Variants in EGR3 observed in about 807,000 individuals in gnomAD.
The protein encoded by EGR3 is early growth response 3.
Under a neutral mutation model 22.4 loss-of-function variants are expected in EGR3, and 4 were observed. The ratio of observed to expected loss-of-function variants is 0.18; its 90% CI spans 0.09 to 0.41. The LOEUF (loss-of-function observed/expected upper bound fraction) is 0.41, where lower values mean the gene tolerates loss of function less well. Ranked by LOEUF, EGR3 falls within the 10% of genes least tolerant of loss-of-function variation. The probability of loss-of-function intolerance (pLI) is 1.00; values close to 1 mark genes in which losing one functional copy is unlikely to be tolerated. For synonymous variants in EGR3, 219 were observed against 226.8 expected (o/e 0.97, Z 0.31); for missense variants, 315 against 541.3 (o/e 0.58, Z 4.15).
At position 22,690,570 on chromosome 8, in the gene EGR3, A is replaced by C. The variant is rs1392362378; in HGVS notation, c.1067T>G (p.Leu356Arg). Residue 356 changes from leucine (L) to arginine (R), a missense_variant, in exon 2 of 2, where the codon CTC becomes CGC. Around this residue, in one of 4 missense-constraint regions of EGR3, gnomAD observed 16 missense variants for 118.3 expected, o/e 0.14. Coordinates refer to ENST00000317216, the MANE Select transcript of EGR3 (RefSeq NM_004430.3). Reference sequence around the variant, plus strand: ...CTCCGCCTTCTTCTCCTTTTGCTTGAGGTGGATCTTGGCGTGGCGCTTGCG... The same window carrying C: ...CTCCGCCTTCTTCTCCTTTTGCTTGCGGTGGATCTTGGCGTGGCGCTTGCG... ...DERKRHAKIH[L>R]KQKEKKAEKG... is the part of the protein sequence containing the mutation. 6.2e-7 allele frequency: 1 copy of C among 1,613,838 alleles called. No individual in the cohort carries two copies. The highest frequency in any genetic ancestry group is 8.5e-7 in the Non-Finnish European group (1 of 1,179,972).
rs1585224238 is a variant in EGR3 at position 22,693,217 on chromosome 8, G to A, written c.-273C>T. ...GGTATGAGGCTGGGTCGTGGGGGGG[G>A]TGGGGCGTGTGCGGGGGGTGGGGTG... On this transcript the variant is annotated 5_prime_UTR_variant, in exon 1 of 2. Transcript: ENST00000317216. 2 of 140,654 alleles carry A rather than the reference G, an allele frequency of 1.4e-5. No individual in the cohort carries two copies. The highest frequency in any genetic ancestry group is 2.3e-4 in the East Asian group (1 of 4,376). 8.7% of individuals were successfully genotyped at this position (140,654 alleles called of 1,614,324 possible).
rs1241742304 is a variant in EGR3, at chr8:22,691,024, A to T, written c.613T>A (p.Ser205Thr). Residue 205 changes from serine to threonine, a missense_variant, in exon 2 of 2, where the codon TCC (serine) becomes ACC (threonine). Coordinates refer to ENST00000317216, the MANE Select transcript of EGR3 (RefSeq NM_004430.3). ...NLYHHPNDMGSIPEHKPFQGM... is the reference protein window; with the variant it reads ...NLYHHPNDMGTIPEHKPFQGM... ...TGGAAGGGCTTGTGCTCCGGAATGGAGCCCATGTCGTTGGGGTGGTGGTAG... is the reference window on the plus strand; with the variant it reads ...TGGAAGGGCTTGTGCTCCGGAATGGTGCCCATGTCGTTGGGGTGGTGGTAG... The T allele has an allele frequency of 6.3e-6, 10 of 1,597,594 alleles. No individual in the cohort carries two copies. The highest frequency in any genetic ancestry group is 8.5e-6 in the Non-Finnish European group (10 of 1,169,628).
rs1803985100 is a variant in EGR3 at position 22,692,026 on chromosome 8, C to G, written c.155-544G>C. The G allele has an allele frequency of 7.6e-7, 1 of 1,312,642 alleles. No homozygotes were observed. Among genetic ancestry groups the G allele is most frequent in the Non-Finnish European group, 9.7e-7 (1 of 1,032,244 alleles). The allele number at this position is 1,312,642 out of a possible 1,614,324, so 81.3% of individuals were successfully genotyped here. A position where few individuals can be genotyped will look rare whatever the true frequency, so the allele number is the denominator to read the frequency against. On this transcript the variant is annotated intron_variant, in intron 1 of 1. Coordinates refer to ENST00000317216, the MANE Select transcript of EGR3 (RefSeq NM_004430.3). This position sits in a 1 kb window ranked among gnomAD's most constrained non-coding sequence, Gnocchi z 6.2. ...GGGTGTCGCCCTCAAAGGGAGCTCT[C>G]CCTTCACCTACCCCGGCCCCAGCCT...
chr8:22,690,874 G>A lies in EGR3; in HGVS notation c.763C>T (p.Pro255Ser). Residue 255 changes from proline (P) to serine (S), a missense_variant, in exon 2 of 2, where the codon CCC becomes TCC. By Grantham distance (74) the Pro-to-Ser change is moderately conservative. Transcript: ENST00000317216. Reference sequence around the variant, plus strand: ...TTGGGGTACTTGCGGGGCCGGATGGGCTTGAGGGTGAGCGGCGGCTGGGGC... The same window carrying A: ...TTGGGGTACTTGCGGGGCCGGATGGACTTGAGGGTGAGCGGCGGCTGGGGC... Reference protein sequence around the residue: ...SLPQPPLTLKPIRPRKYPNRP... With the variant: ...SLPQPPLTLKSIRPRKYPNRP... The A allele has an allele frequency of 1.3e-6, 2 of 1,593,126 alleles. No individual in the cohort carries two copies. Among genetic ancestry groups the A allele is most frequent in the Non-Finnish European group, 1.7e-6 (2 of 1,167,350 alleles).
At chr8:22,691,851 C>A in intron 1 of EGR3, 2 of 985,362 alleles carry the variant, frequency 2.0e-6, no homozygotes, top group Non-Finnish European at 2.4e-6. Context: ...GCTGGGCTCT[C>A]GCTCTCCACC....
rs1230884686 is a variant in EGR3 at position 22,692,136 on chromosome 8, G to T, written c.155-654C>A. ...GGAGGGTGGAGAGCGGCGGAAAACC[G>T]GCCGGTGTCTCCATGGCGGGAGAGG... On this transcript the variant is annotated intron_variant, in intron 1 of 1. Coordinates refer to ENST00000317216, the MANE Select transcript of EGR3 (RefSeq NM_004430.3). The surrounding 1 kb of genome is among the most constrained non-coding windows in gnomAD (Gnocchi z 6.2). 2.2e-6 allele frequency: 3 copies of T among 1,363,658 alleles called. No homozygotes were observed. Among genetic ancestry groups the T allele is most frequent in the Non-Finnish European group, 2.8e-6 (3 of 1,062,494 alleles). 84.5% of individuals were successfully genotyped at this position (1,363,658 alleles called of 1,614,324 possible).
At chr8:22,691,954 G>A in intron 1 of EGR3, 5 of 1,251,670 alleles carry the variant, frequency 4.0e-6, no homozygotes, top group Non-Finnish European at 5.0e-6. Context: ...GCTGCTCCCG[G>A]GTCGCCGACC....
At chr8:22,691,955 G>A (rs1803981968) in intron 1 of EGR3, 1 of 1,247,854 alleles carries the variant, frequency 8.0e-7, no homozygotes, top group Non-Finnish European at 1.0e-6. Context: ...CTGCTCCCGG[G>A]TCGCCGACCC....
Position 22,692,620 on chromosome 8 carries a change from C to T in EGR3, c.154+171G>A, listed in dbSNP as rs563377390. On this transcript the variant is annotated intron_variant, in intron 1 of 1. Transcript: ENST00000317216. This position sits in a 1 kb window ranked among gnomAD's most constrained non-coding sequence, Gnocchi z 6.2. ...TGGGTGGGAAAAGCAACTCGCCCCC[C>T]GCAAAATTCCCAGCGCGCCCCCATC... 37 of 1,440,774 alleles carry T rather than the reference C, an allele frequency of 2.6e-5. No individual in the cohort carries two copies. The East Asian group carries it at 6.5e-4, about 25-fold the overall frequency. The allele number at this position is 1,440,774 out of a possible 1,614,324, so 89.2% of individuals were successfully genotyped here. A position where few individuals can be genotyped will look rare whatever the true frequency, so the allele number is the denominator to read the frequency against.
chr8:22,692,425 C>T lies in EGR3; in HGVS notation c.154+366G>A. The T allele has an allele frequency of 1.4e-6, 2 of 1,431,744 alleles. No individual in the cohort carries two copies. The highest frequency in any genetic ancestry group is 1.8e-6 in the Non-Finnish European group (2 of 1,097,834). 88.7% of individuals were successfully genotyped at this position (1,431,744 alleles called of 1,614,324 possible). ...TCCTCCCGGGAAGAGGGCGACAGCA[C>T]CACGCCTTGCGCGTAGCCCGGCGAT... On this transcript the variant is annotated intron_variant, in intron 1 of 1. Coordinates refer to ENST00000317216, the MANE Select transcript of EGR3 (RefSeq NM_004430.3). This position sits in a 1 kb window ranked among gnomAD's most constrained non-coding sequence, Gnocchi z 6.2.
At position 22,688,510 on chromosome 8, in the gene EGR3, C is replaced by T. The variant is rs1803837079; in HGVS notation, c.*1963G>A. On this transcript the variant is annotated 3_prime_UTR_variant, in exon 2 of 2. Coordinates refer to ENST00000317216, the MANE Select transcript of EGR3 (RefSeq NM_004430.3). ...GTCCAAGTACCTGGAAATTCACAAC[C>T]CCCTGCTCTTCGATATCCCCCCTTT... 6.6e-6 allele frequency: 1 copy of T among 152,468 alleles called. No individual in the cohort carries two copies. Among genetic ancestry groups the T allele is most frequent in the Non-Finnish European group, 1.5e-5 (1 of 68,040 alleles). The allele number at this position is 152,468 out of a possible 1,614,324, so 9.4% of individuals were successfully genotyped here. A position where few individuals can be genotyped will look rare whatever the true frequency, so the allele number is the denominator to read the frequency against.
At position 22,692,483 on chromosome 8, in the gene EGR3, A is replaced by G; in HGVS notation, c.154+308T>C. The stretch of plus-strand genomic sequence containing the variant: ...CCTGCGTGGTGAGGGAGAACCCCAG[A>G]GCCGCTCGCACCTACCTCCCTCCGG... On this transcript the variant is annotated intron_variant, in intron 1 of 1. Coordinates refer to ENST00000317216, the MANE Select transcript of EGR3 (RefSeq NM_004430.3). The surrounding 1 kb of genome is among the most constrained non-coding windows in gnomAD (Gnocchi z 6.2). 1 of 1,430,574 alleles carries G rather than the reference A, an allele frequency of 7.0e-7. No individual in the cohort carries two copies. Among genetic ancestry groups the G allele is most frequent in the Non-Finnish European group, 9.1e-7 (1 of 1,096,980 alleles). 88.6% of individuals were successfully genotyped at this position (1,430,574 alleles called of 1,614,324 possible).
rs1409934935 is a variant in EGR3, at chr8:22,690,255, G to C, written c.*218C>G. 5.2e-6 allele frequency: 3 copies of C among 575,194 alleles called. No homozygotes were observed. The Admixed American group carries it at 9.5e-5, about 18-fold the overall frequency. 35.6% of individuals were successfully genotyped at this position (575,194 alleles called of 1,614,324 possible). A position where few individuals can be genotyped will look rare whatever the true frequency, so the allele number is the denominator to read the frequency against. ...CCGCCCCCACGCCTTGGCTAAGTGG[G>C]GGACCGCGAGGGGAAGGCGCCTCCA... On this transcript the variant is annotated 3_prime_UTR_variant, in exon 2 of 2. Coordinates refer to ENST00000317216, the MANE Select transcript of EGR3 (RefSeq NM_004430.3).
chr8:22,692,713 C>T lies in EGR3; in HGVS notation c.154+78G>A. 1 of 1,563,770 alleles carries T rather than the reference C, an allele frequency of 6.4e-7. No homozygotes were observed. Among genetic ancestry groups the T allele is most frequent in the African/African-American group, 1.3e-5 (1 of 74,136 alleles). On this transcript the variant is annotated intron_variant, in intron 1 of 1. Transcript: ENST00000317216. This position sits in a 1 kb window ranked among gnomAD's most constrained non-coding sequence, Gnocchi z 6.2. ...TCCATCCATCCATCCATCCATCCAT[C>T]CATCACCAGGTCGTCCCCTCCTCCT...
chr8:22,691,951 C>G (rs1803981553), intron 1 of EGR3: 5 of 1,245,980 alleles, frequency 4.0e-6, no homozygotes, highest in Admixed American at 3.9e-5. Flanking sequence ...CGCGCTGCTC[C>G]CGGGTCGCCG....
At position 22,692,547 on chromosome 8, in the gene EGR3, C is replaced by A; in HGVS notation, c.154+244G>T. On this transcript the variant is annotated intron_variant, in intron 1 of 1. Transcript: ENST00000317216. The surrounding 1 kb of genome is among the most constrained non-coding windows in gnomAD (Gnocchi z 6.2). ...CCACCCGGGAGAACCGAAGCCTCTA[C>A]CGTGGCGTCGCCAACCTAGCCTTCT... 7.0e-7 allele frequency: 1 copy of A among 1,430,106 alleles called. No homozygotes were observed. Among genetic ancestry groups the A allele is most frequent in the Non-Finnish European group, 9.1e-7 (1 of 1,096,070 alleles). The allele number at this position is 1,430,106 out of a possible 1,614,324, so 88.6% of individuals were successfully genotyped here.
chr8:22,692,561 A>G lies in EGR3; in HGVS notation c.154+230T>C. 2 of 1,420,492 alleles carry G rather than the reference A, an allele frequency of 1.4e-6. No homozygotes were observed. Among genetic ancestry groups the G allele is most frequent in the Non-Finnish European group, 1.8e-6 (2 of 1,089,942 alleles). The allele number at this position is 1,420,492 out of a possible 1,614,324, so 88.0% of individuals were successfully genotyped here. A position where few individuals can be genotyped will look rare whatever the true frequency, so the allele number is the denominator to read the frequency against. ...CGAAGCCTCTACCGTGGCGTCGCCA[A>G]CCTAGCCTTCTCGATCGAGGAGGGC... On this transcript the variant is annotated intron_variant, in intron 1 of 1. Transcript: ENST00000317216. The surrounding 1 kb of genome is among the most constrained non-coding windows in gnomAD (Gnocchi z 6.2).
In EGR3 at chr8:22,690,002, T is replaced by G; in HGVS notation, c.*471A>C. On this transcript the variant is annotated 3_prime_UTR_variant, in exon 2 of 2. Transcript: ENST00000317216. ...GCGCATCCCCGCACGCAGGCGCGCGTGCGTGCGGCGGGCAGCAAGCTCTGC... is the reference window on the plus strand; with the variant it reads ...GCGCATCCCCGCACGCAGGCGCGCGGGCGTGCGGCGGGCAGCAAGCTCTGC... 1 of 172,198 alleles carries G rather than the reference T, an allele frequency of 5.8e-6. No individual in the cohort carries two copies. The allele number at this position is 172,198 out of a possible 1,614,324, so 10.7% of individuals were successfully genotyped here.
chr8:22,693,050 G>C lies in EGR3; in HGVS notation c.-106C>G. 3.6e-6 allele frequency: 5 copies of C among 1,377,256 alleles called. No homozygotes were observed. Among genetic ancestry groups the C allele is most frequent in the Non-Finnish European group, 4.8e-6 (5 of 1,034,968 alleles). The allele number at this position is 1,377,256 out of a possible 1,614,324, so 85.3% of individuals were successfully genotyped here. A position where few individuals can be genotyped will look rare whatever the true frequency, so the allele number is the denominator to read the frequency against. On this transcript the variant is annotated 5_prime_UTR_variant, in exon 1 of 2. Transcript: ENST00000317216. ...ATCCGAGAGGCGATCCGTGGTGCAG[G>C]GGAAAAGCATGCGAGAGGGAAAGTT...
Sources: allele counts gnomAD v4.1 joint callset, GRCh38; gene constraint gnomAD v4.1.1; regional missense constraint gnomAD v4.1.1; non-coding constraint Gnocchi (gnomAD v3.1); transcripts MANE v1.5; gene names NCBI Gene and HGNC (gene_info 2026-07-23, HGNC 2026-07-21).